Variants in UNC5D observed in about 807,000 individuals in gnomAD.
UNC5D encodes netrin receptor UNC5D.
A neutral mutation model predicts 105.4 loss-of-function variants in UNC5D; 39 were observed. The observed-to-expected ratio is 0.37, with a 90% CI of 0.29 to 0.48. UNC5D has a LOEUF of 0.48. UNC5D is among the 20% of genes least tolerant of loss of function. The probability of loss-of-function intolerance (pLI) is 0.98; values close to 1 mark genes in which losing one functional copy is unlikely to be tolerated. For synonymous variants in UNC5D, 452 were observed against 450.4 expected (o/e 1.00, Z -0.04); for missense variants, 991 against 1,202.4 (o/e 0.82, Z 2.60).
At chr8:35,527,486 T>G (rs1303646330) in intron 1 of UNC5D, among the ~76,000 whole-genome samples, 1 of 152,156 alleles carries the variant, frequency 6.6e-6, no homozygotes, top group Non-Finnish European at 1.5e-5. Flanking sequence ...GATGGCTGTT[T>G]CTTCTTTGTG....
At chr8:35,716,864 G>A (rs1028954439) in intron 8 of UNC5D, among the ~76,000 whole-genome samples, 6 of 152,206 alleles carry the variant, frequency 3.9e-5, no homozygotes, top group Admixed American at 1.3e-4. Flanking sequence ...GCTTCTTGAT[G>A]ACAACATATA....
At chr8:35,503,092 AC>A (rs1314777966) in intron 1 of UNC5D, among the ~76,000 whole-genome samples, 1 of 152,140 alleles carries the variant, frequency 6.6e-6, no homozygotes, top group Non-Finnish European at 1.5e-5. Context: ...TTTACAAGAT[AC>A]CTGGGTGACT....
At chr8:35,786,051 C>T (rs6997157) in intron 16 of UNC5D, among the ~76,000 whole-genome samples, 1,722 of 152,232 alleles carry the variant, frequency 0.011, 25 homozygotes, top group African/African-American at 0.038. Context: ...TCACTTACTG[C>T]GACCTTCTAG....
chr8:35,709,343 C>T (rs921479746), intron 8 of UNC5D, among the ~76,000 whole-genome samples: 2 of 152,108 alleles, frequency 1.3e-5, no homozygotes, highest in Non-Finnish European at 2.9e-5. Context: ...GGGGCTCTGA[C>T]AGGGTTAGAG....
At chr8:35,784,472 G>C (rs914389503) in intron 16 of UNC5D, among the ~76,000 whole-genome samples, 2 of 152,160 alleles carry the variant, frequency 1.3e-5, no homozygotes, top group Non-Finnish European at 2.9e-5. Flanking sequence ...GTTTAGGCCA[G>C]GCACGACAGC....
At chr8:35,314,513 A>C (rs1809134785) in intron 1 of UNC5D, among the ~76,000 whole-genome samples, 1 of 152,188 alleles carries the variant, frequency 6.6e-6, no homozygotes, top group African/African-American at 2.4e-5. Context: ...TTTAAAAAGA[A>C]AAGCAATTAG....
chr8:35,288,458 A>G (rs1806784733), intron 1 of UNC5D, among the ~76,000 whole-genome samples: 1 of 152,198 alleles, frequency 6.6e-6, no homozygotes, highest in African/African-American at 2.4e-5. Context: ...GCTTTACAGG[A>G]ATTACTAAAT....
intron 15 of UNC5D, among the ~76,000 whole-genome samples, chr8:35,770,171 G>A (rs543361874): frequency 1.3e-5 from 2 of 152,090 alleles, no homozygotes; most frequent in Non-Finnish European, 2.9e-5. Context: ...GGCAGGAAAA[G>A]ACATTTAGGT....
intron 8 of UNC5D, among the ~76,000 whole-genome samples, chr8:35,718,337 A>G (rs1828373888): frequency 6.6e-6 from 1 of 152,230 alleles, no homozygotes; most frequent in African/African-American, 2.4e-5. Context: ...CTTTTGTTCA[A>G]AATCACTTTG....
intron 2 of UNC5D, among the ~76,000 whole-genome samples, chr8:35,559,641 T>G (rs555510503): frequency 6.6e-6 from 1 of 152,222 alleles, no homozygotes; most frequent in Non-Finnish European, 1.5e-5. Flanking sequence ...GAATTCTCTA[T>G]TTTGTCCAGA....
intron 16 of UNC5D, among the ~76,000 whole-genome samples, chr8:35,784,752 A>G (rs533637748): frequency 1.5e-4 from 23 of 152,276 alleles, no homozygotes; most frequent in African/African-American, 5.5e-4. Flanking sequence ...TGTCTCAAAA[A>G]TAAAATAATT....
At chr8:35,773,773 A>G in intron 15 of UNC5D, among the ~76,000 whole-genome samples, 1 of 152,166 alleles carries the variant, frequency 6.6e-6, no homozygotes, top group East Asian at 1.9e-4. Context: ...CCCAGGCTAG[A>G]GTGCAATGGC....
At chr8:35,498,731 T>G (rs953999601) in intron 1 of UNC5D, among the ~76,000 whole-genome samples, 7 of 152,084 alleles carry the variant, frequency 4.6e-5, no homozygotes, top group Non-Finnish European at 1.0e-4. Flanking sequence ...GCCATGGTGA[T>G]TGTGTATAAA....
intron 4 of UNC5D, among the ~76,000 whole-genome samples, chr8:35,607,674 G>A (rs551515524): frequency 4.6e-5 from 7 of 151,958 alleles, no homozygotes; most frequent in Non-Finnish European, 8.8e-5. Context: ...GTTTTATAAG[G>A]GGCTTTTTTC....
intron 1 of UNC5D, among the ~76,000 whole-genome samples, chr8:35,282,247 G>T: frequency 6.6e-6 from 1 of 152,174 alleles, no homozygotes; most frequent in Non-Finnish European, 1.5e-5. Flanking sequence ...CTGTCAGCTT[G>T]ATGGCTGCCA....
In UNC5D at chr8:35,625,166, C is replaced by T. The variant is rs4358796; in HGVS notation, c.570+29509C>T. Among the ~76,000 whole-genome samples the T allele has an allele frequency of 6.3e-3, 954 of 152,222 alleles. 4 individuals are homozygous for T. Among genetic ancestry groups the T allele is most frequent in the Non-Finnish European group, 0.01 (698 of 68,012 alleles). Reference sequence around the variant, plus strand: ...GCTTTATTCACAAACATAAACTTCCCTTGATTTTTGAGTGTTCTGCAGAGG... The same window carrying T: ...GCTTTATTCACAAACATAAACTTCCTTTGATTTTTGAGTGTTCTGCAGAGG... On this transcript the variant is annotated intron_variant, in intron 4 of 16. Transcript: ENST00000404895.
At chr8:35,331,190 C>A (rs80343554) in intron 1 of UNC5D, among the ~76,000 whole-genome samples, 1 of 152,016 alleles carries the variant, frequency 6.6e-6, no homozygotes, top group Non-Finnish European at 1.5e-5. Context: ...ATAGATTATT[C>A]GAAACAGTTT....
chr8:35,560,737 C>T (rs1167476458), intron 2 of UNC5D, among the ~76,000 whole-genome samples: 1 of 152,086 alleles, frequency 6.6e-6, no homozygotes, highest in African/African-American at 2.4e-5. Flanking sequence ...TCACTTGTGG[C>T]CTTTTAAAGA....
At chr8:35,432,756 G>C (rs1477819801) in intron 1 of UNC5D, among the ~76,000 whole-genome samples, 1 of 152,104 alleles carries the variant, frequency 6.6e-6, no homozygotes, top group African/African-American at 2.4e-5. Context: ...ATCTTTGCAT[G>C]AGAATAAAGG....
Sources: gnomAD v4.1 joint callset for allele counts (sites outside exome capture counted in the v4.1 genomes callset) on GRCh38, gnomAD v4.1.1 for gene constraint, MANE v1.5 for transcripts, NCBI Gene and HGNC (gene_info 2026-07-23, HGNC 2026-07-21) for gene names.